The following MAGI2 variants were observed in gnomAD, a reference collection of about 807,000 sequenced individuals.
The protein encoded by MAGI2 is membrane-associated guanylate kinase, WW and PDZ domain-containing protein 2.
In MAGI2, 35 loss-of-function variants were observed where a neutral mutation model predicts 133.3. The observed-to-expected ratio is 0.26, with a 90% confidence interval of 0.20 to 0.35. MAGI2 has a LOEUF of 0.35. Ranked by LOEUF, MAGI2 falls within the 10% of genes least tolerant of loss-of-function variation. MAGI2 has a pLI of 1.00. For missense variants in MAGI2, 1,636 were observed against 1,863.4 expected (o/e 0.88, Z 2.25); for synonymous variants, 729 against 710.6 (o/e 1.03, Z -0.41).
chr7:78,459,373 C>A (rs879171943), intron 6 of MAGI2, among the ~76,000 whole-genome samples: 3 of 152,120 alleles, frequency 2.0e-5, no homozygotes, highest in Admixed American at 2.0e-4. Context: ...AGTATTAACA[C>A]GTTTATGGCT....
chr7:78,658,931 C>A (rs945919793), intron 2 of MAGI2, among the ~76,000 whole-genome samples: 1 of 152,108 alleles, frequency 6.6e-6, no homozygotes, highest in Non-Finnish European at 1.5e-5. Flanking sequence ...GTTAAACATA[C>A]AACTACCACA....
chr7:78,886,025 A>G (rs892664944), intron 2 of MAGI2, among the ~76,000 whole-genome samples: 2 of 152,210 alleles, frequency 1.3e-5, no homozygotes, highest in African/African-American at 2.4e-5. Context: ...CAATTGCCTA[A>G]AATCTCACAA....
intron 3 of MAGI2, among the ~76,000 whole-genome samples, chr7:78,587,655 T>A (rs1376672267): frequency 6.6e-6 from 1 of 152,240 alleles, no homozygotes; most frequent in Non-Finnish European, 1.5e-5. Flanking sequence ...CTCGTGCCAT[T>A]TGATTACATT....
chr7:78,922,138 T>TTTCC (rs894967802), intron 2 of MAGI2, among the ~76,000 whole-genome samples: 3 of 138,046 alleles, frequency 2.2e-5, no homozygotes, highest in Non-Finnish European at 4.7e-5. Context: ...TCTTTCTTTC[T>TTTCC]TTCTTTCTTT....
intron 15 of MAGI2, among the ~76,000 whole-genome samples, chr7:78,162,336 AC>A (rs1563200521): frequency 7.0e-6 from 1 of 141,918 alleles, no homozygotes; most frequent in Non-Finnish European, 1.5e-5. Flanking sequence ...CCACGGTGAA[AC>A]CCCGTCTCTA....
At chr7:79,426,968 T>G (rs546204258) in intron 1 of MAGI2, among the ~76,000 whole-genome samples, 1 of 152,262 alleles carries the variant, frequency 6.6e-6, no homozygotes, top group East Asian at 1.9e-4. Context: ...GGAAAAAAAA[T>G]CTTTACTTCC....
chr7:78,268,223 AATT>A (rs1183057669), intron 9 of MAGI2, among the ~76,000 whole-genome samples: 6 of 152,084 alleles, frequency 3.9e-5, no homozygotes, highest in Non-Finnish European at 7.4e-5. Context: ...AGTTCCTTCA[AATT>A]ATTGTACAAT....
At chr7:78,824,823 C>T (rs576967265) in intron 2 of MAGI2, among the ~76,000 whole-genome samples, 36 of 152,166 alleles carry the variant, frequency 2.4e-4, no homozygotes, top group African/African-American at 7.9e-4. Context: ...AACCCAAGTG[C>T]CCATCGATGA....
At chr7:78,358,590 T>C (rs1457223739) in intron 7 of MAGI2, 1 of 162,950 alleles carries the variant, frequency 6.1e-6, no homozygotes, top group East Asian at 1.9e-4. Flanking sequence ...CTTATGGTGT[T>C]TTATGGGATC....
intron 2 of MAGI2, among the ~76,000 whole-genome samples, chr7:78,769,103 T>G (rs1825320111): frequency 6.6e-6 from 1 of 152,196 alleles, no homozygotes; most frequent in Admixed American, 6.5e-5. Context: ...TAAGCACATG[T>G]GTAGTACAGG....
chr7:78,876,807 T>C (rs1310652952), intron 2 of MAGI2, among the ~76,000 whole-genome samples: 1 of 152,218 alleles, frequency 6.6e-6, no homozygotes, highest in African/African-American at 2.4e-5. Context: ...GCTATGGAAT[T>C]TTGCTCCCCA....
chr7:79,343,337 T>C (rs894921948), intron 1 of MAGI2: 2 of 152,104 alleles, frequency 1.3e-5, no homozygotes, highest in African/African-American at 4.8e-5. Flanking sequence ...CTGGGTATTA[T>C]TATAATTTTA....
At chr7:78,124,861 C>CTTTTTTT (rs10707820) in intron 20 of MAGI2, among the ~76,000 whole-genome samples, 1 of 137,430 alleles carries the variant, frequency 7.3e-6, no homozygotes, top group Non-Finnish European at 1.6e-5. Context: ...TAGCTGCTGT[C>CTTTTTTT]TTTTTTTTTT....
chr7:78,879,435 A>G (rs917274888), intron 2 of MAGI2, among the ~76,000 whole-genome samples: 17 of 152,222 alleles, frequency 1.1e-4, no homozygotes, highest in African/African-American at 3.9e-4. Context: ...GCAGAACCCA[A>G]CGTAAAACTG....
At chr7:78,123,767 C>T (rs561474858) in intron 20 of MAGI2, among the ~76,000 whole-genome samples, 232 of 152,260 alleles carry the variant, frequency 1.5e-3, no homozygotes, top group Middle Eastern at 0.01. Flanking sequence ...AATAAAACCT[C>T]GGAAGGTAAA....
intron 1 of MAGI2, among the ~76,000 whole-genome samples, chr7:79,227,825 G>A (rs561424172): frequency 1.1e-3 from 162 of 152,188 alleles, no homozygotes; most frequent in Non-Finnish European, 2.0e-3. Context: ...GACTCTACAG[G>A]CTGAAAGATA....
intron 2 of MAGI2, among the ~76,000 whole-genome samples, chr7:78,770,103 T>C (rs1024083523): frequency 1.3e-5 from 2 of 152,202 alleles, no homozygotes; most frequent in Non-Finnish European, 2.9e-5. Context: ...GCACAAGCAA[T>C]GCTTTCTTTG....
At chr7:78,171,795 C>T (rs1030035012) in intron 14 of MAGI2, among the ~76,000 whole-genome samples, 2 of 152,162 alleles carry the variant, frequency 1.3e-5, no homozygotes, top group Non-Finnish European at 2.9e-5. Context: ...TTCATTACCT[C>T]CCTCTAGCCC....
intron 6 of MAGI2, among the ~76,000 whole-genome samples, chr7:78,456,536 T>A (rs988430193): frequency 6.6e-6 from 1 of 152,178 alleles, no homozygotes; most frequent in African/African-American, 2.4e-5. Flanking sequence ...CCAATCTATT[T>A]TCAGGAATTT....
Sources: allele counts gnomAD v4.1 joint callset (sites outside exome capture counted in the v4.1 genomes callset), GRCh38; gene constraint gnomAD v4.1.1; transcripts MANE v1.5; gene names NCBI Gene and HGNC (gene_info 2026-07-23, HGNC 2026-07-21).